ZNF420: variants seen among roughly 807,000 people sequenced by gnomAD.
ZNF420 encodes the protein zinc finger protein 420.
Under a neutral mutation model 44.7 loss-of-function variants are expected in ZNF420, and 31 were observed. That is an observed-to-expected ratio of 0.69 (90% CI 0.52 to 0.94). The LOEUF is 0.94. Ranked by LOEUF, ZNF420 falls within the 40% of genes least tolerant of loss-of-function variation. The pLI, the probability that ZNF420 is intolerant of heterozygous loss-of-function variation, is 0.00. For missense variants in ZNF420, 681 were observed against 827.9 expected, an observed-to-expected ratio of 0.82 and a Z score of 2.18; for synonymous variants, 245 against 267.4, an observed-to-expected ratio of 0.92 and a Z score of 0.82.
At chr19:37,043,593 G>A (rs1054814710) in intron 1 of ZNF420, among the ~76,000 whole-genome samples, 1 of 152,014 alleles carries the variant, frequency 6.6e-6, no homozygotes, top group African/African-American at 2.4e-5. Flanking sequence ...CATTGCCTCA[G>A]CCTTCCAAGT....
At position 37,009,842 on chromosome 19, in the gene ZNF420, T is replaced by C. The variant is rs1370325580; in HGVS notation, c.-125+1760T>C. ...AGTACTGAGACCCCAGCAGGCGCCC[T>C]GAACCTCCTCTTCCACTGGTAGAAG... On this transcript the variant is annotated intron_variant, in intron 1 of 4. Coordinates refer to the ZNF420 transcript ENST00000587029. 2.0e-5 allele frequency among the ~76,000 whole-genome samples: 3 copies of C among 152,110 alleles called. No individual in the cohort carries two copies. In the East Asian group the frequency reaches 5.8e-4, roughly 30 times the overall value.
At chr19:37,028,591 G>A (rs1967193697) in intron 1 of ZNF420, among the ~76,000 whole-genome samples, 1 of 152,112 alleles carries the variant, frequency 6.6e-6, no homozygotes, top group Non-Finnish European at 1.5e-5. Flanking sequence ...CACTTGAAAG[G>A]CCACTGAGAT....
At position 37,127,337 on chromosome 19, in the gene ZNF420, A is replaced by G. The variant is rs1342708634; in HGVS notation, c.346A>G (p.Lys116Glu). Residue 116 changes from lysine (K) to glutamate (E), a missense_variant, in exon 5 of 5, where the codon AAA becomes GAA. Lys to Glu is a moderately conservative substitution (Grantham distance 56, BLOSUM62 1). Coordinates refer to ENST00000337995, the MANE Select transcript of ZNF420 (RefSeq NM_144689.5). ...CAGGCAAGGGATGATCATATATGAC[A>G]AAATGTCCATTTTCAACCAGCATAC... ...YFRQGMIIYD[K>E]MSIFNQHTYL... is the part of the protein sequence containing the mutation. 5.0e-6 allele frequency: 8 copies of G among 1,611,498 alleles called. No individual in the cohort carries two copies. The Admixed American group carries it at 1.3e-4, about 27-fold the overall frequency.
At chr19:37,013,111 G>A (rs2074584415) in intron 1 of ZNF420, among the ~76,000 whole-genome samples, 1 of 151,972 alleles carries the variant, frequency 6.6e-6, no homozygotes, top group Non-Finnish European at 1.5e-5. Context: ...TAGGCCTCTT[G>A]TCCAAGATCA....
chr19:37,059,186 G>A (rs927336485), intron 1 of ZNF420, among the ~76,000 whole-genome samples: 5 of 152,186 alleles, frequency 3.3e-5, no homozygotes, highest in African/African-American at 1.2e-4. Flanking sequence ...AGGACTCCTG[G>A]GGGTTTGGCC....
At chr19:37,013,044 G>C (rs1426473022) in intron 1 of ZNF420, among the ~76,000 whole-genome samples, 3 of 151,864 alleles carry the variant, frequency 2.0e-5, no homozygotes, top group African/African-American at 7.3e-5. Context: ...TGAAAGCCTC[G>C]GCAACATGGG....
rs1034625829 is a variant in ZNF420, at chr19:37,021,758, G to A, written c.-125+13676G>A. Among the ~76,000 whole-genome samples, 10 of 151,502 alleles carry A rather than the reference G, an allele frequency of 6.6e-5. No homozygotes were observed. In the South Asian group the frequency reaches 1.5e-3, roughly 22 times the overall value. On this transcript the variant is annotated intron_variant, in intron 1 of 4. Coordinates refer to the ZNF420 transcript ENST00000587029. ...TGGAGACAAGCCTGACCAACATGGT[G>A]AAACCCCATCTCTACTAAAAATACA...
chr19:37,059,307 C>A (rs1255840587), intron 1 of ZNF420, among the ~76,000 whole-genome samples: 2 of 152,228 alleles, frequency 1.3e-5, no homozygotes, highest in African/African-American at 2.4e-5. Context: ...CGCGCCGCCG[C>A]CATTGTTTCA....
At chr19:37,067,145 G>C (rs761122608) in intron 1 of ZNF420, among the ~76,000 whole-genome samples, 1 of 152,314 alleles carries the variant, frequency 6.6e-6, no homozygotes, top group South Asian at 2.1e-4. Flanking sequence ...TCTGGATATA[G>C]AGTGGGAAAT....
At chr19:37,008,679 G>T (rs573280360) in intron 1 of ZNF420, among the ~76,000 whole-genome samples, 1 of 152,196 alleles carries the variant, frequency 6.6e-6, no homozygotes, top group African/African-American at 2.4e-5. Context: ...CCTGTCACTG[G>T]AACACTGGCC....
At chr19:37,094,538 CAT>C (rs1969331100) in intron 4 of ZNF420, among the ~76,000 whole-genome samples, 1 of 152,030 alleles carries the variant, frequency 6.6e-6, no homozygotes, top group Non-Finnish European at 1.5e-5. Flanking sequence ...GATACTAAAA[CAT>C]ATTTATTCAG....
intron 4 of ZNF420, among the ~76,000 whole-genome samples, chr19:37,125,689 T>C (rs549264568): frequency 6.6e-6 from 1 of 152,306 alleles, no homozygotes; most frequent in East Asian, 1.9e-4. Context: ...GTGCTAGACA[T>C]CACAAAGAAA....
intron 1 of ZNF420, among the ~76,000 whole-genome samples, chr19:37,035,306 G>T (rs1363039971): frequency 6.6e-6 from 1 of 152,188 alleles, no homozygotes; most frequent in African/African-American, 2.4e-5. Flanking sequence ...CCTGATCCAT[G>T]AATCTCTGTT....
intron 1 of ZNF420, among the ~76,000 whole-genome samples, chr19:37,009,106 C>T (rs1324404784): frequency 6.6e-6 from 1 of 152,162 alleles, no homozygotes; most frequent in Non-Finnish European, 1.5e-5. Flanking sequence ...CACATTTCCT[C>T]TGCATTTCCT....
At position 37,027,727 on chromosome 19, in the gene ZNF420, G is replaced by C. The variant is rs1241330072; in HGVS notation, c.-125+19645G>C. On this transcript the variant is annotated intron_variant, in intron 1 of 4. Coordinates refer to the ZNF420 transcript ENST00000587029. ...CTTTCACTTAGAAATACATGTTTAA[G>C]ATTCCTCCATGTCTTTCCATGCCTT... Among the ~76,000 whole-genome samples the C allele has an allele frequency of 2.0e-5, 3 of 152,168 alleles. No individual in the cohort carries two copies. The East Asian group carries it at 5.8e-4, about 29-fold the overall frequency.
chr19:37,126,551 G>C (rs571328055), intron 4 of ZNF420, among the ~76,000 whole-genome samples: 2 of 152,238 alleles, frequency 1.3e-5, no homozygotes, highest in South Asian at 4.1e-4. Flanking sequence ...ATCTGAATCA[G>C]TTGATAGGAA....
chr19:37,039,163 C>G (rs1325105869), intron 1 of ZNF420, among the ~76,000 whole-genome samples: 2 of 152,188 alleles, frequency 1.3e-5, no homozygotes, highest in African/African-American at 2.4e-5. Flanking sequence ...TTCCAAACTC[C>G]TATTAATGCT....
chr19:37,123,458 A>G (rs1971165240), intron 4 of ZNF420, among the ~76,000 whole-genome samples: 1 of 152,090 alleles, frequency 6.6e-6, no homozygotes, highest in African/African-American at 2.4e-5. Flanking sequence ...TTTTTTCAGA[A>G]CACTAAGATA....
chr19:37,091,202 A>G, intron 4 of ZNF420, 81 bp downstream of exon 4: 2 of 1,355,708 alleles, frequency 1.5e-6, no homozygotes, highest in Non-Finnish European at 2.0e-6. Context: ...TTTCCTTTTT[A>G]AGTAATTAAC....
Sources: gnomAD v4.1 joint callset for allele counts (sites outside exome capture counted in the v4.1 genomes callset) on GRCh38, gnomAD v4.1.1 for gene constraint, MANE v1.5 for transcripts, NCBI Gene and HGNC (gene_info 2026-07-23, HGNC 2026-07-21) for gene names.